GRIK5: variants seen among roughly 807,000 people sequenced by gnomAD.
The protein encoded by GRIK5 is glutamate ionotropic receptor kainate type subunit 5.
A neutral mutation model predicts 97.4 loss-of-function variants in GRIK5; 43 were observed. The ratio of observed to expected loss-of-function variants is 0.44; its 90% CI spans 0.35 to 0.57. The LOEUF is 0.57. Ranked by LOEUF, GRIK5 falls within the 20% of genes least tolerant of loss-of-function variation. The pLI, the probability that GRIK5 is intolerant of heterozygous loss-of-function variation, is 0.01. For missense variants in GRIK5, 1,015 were observed against 1,382.0 expected (o/e 0.73, Z 4.21); for synonymous variants, 580 against 583.5 (o/e 0.99, Z 0.09).
At position 41,999,065 on chromosome 19, in the gene GRIK5, TG is replaced by T. The variant is rs1555870200; in HGVS notation, c.2748del (p.Ser917AlafsTer?). The part of the protein sequence containing the change: ...PQRLLDDPGP[P>X]SGARPAAPTP... ...GTGGGGGCGGCGGGTCGGGCTCCGC[TG>T]GGGGGCCCCGGGTCGTCCAGGAGGC... On this transcript the variant is annotated frameshift_variant, in exon 20 of 20. Coordinates refer to ENST00000593562, the MANE Select transcript of GRIK5 (RefSeq NM_002088.5). LOFTEE classifies it low-confidence loss of function (END_TRUNC). The surrounding 1 kb of genome is among the most constrained non-coding windows in gnomAD (Gnocchi z 5.0). 8.7e-6 allele frequency: 11 copies of T among 1,264,282 alleles called. No individual in the cohort carries two copies. The highest frequency in any genetic ancestry group is 2.6e-5 in the South Asian group (1 of 38,760). The allele number at this position is 1,264,282 out of a possible 1,614,324, so 78.3% of individuals were successfully genotyped here. A position where few individuals can be genotyped will look rare whatever the true frequency, so the allele number is the denominator to read the frequency against.
At chr19:42,012,341 C>T (rs2075574242) in intron 15 of GRIK5, among the ~76,000 whole-genome samples, 1 of 152,118 alleles carries the variant, frequency 6.6e-6, no homozygotes, top group Admixed American at 6.6e-5. Context: ...ACCTCTGCCT[C>T]CCAGGTTCAA....
In GRIK5 at chr19:42,056,662, C is replaced by T. The variant is rs762325314; in HGVS notation, c.903G>A (p.Ala301=). The T allele has an allele frequency of 1.2e-6, 2 of 1,613,718 alleles. No homozygotes were observed. Among genetic ancestry groups the T allele is most frequent in the Non-Finnish European group, 1.7e-6 (2 of 1,179,732 alleles). ...TGTGACTGGGTATCTGTGTGCTCAC[C>T]GCAGGGCCCAGGTAGGTGCTGGCTT... ...NCEASTYLGP[A]LSAALMFDAV... is the part of the protein sequence containing the mutation. Residue 301 remains alanine (A), a splice_region_variant and synonymous_variant, in exon 8 of 20, where the codon GCG becomes GCA. Coordinates refer to ENST00000593562, the MANE Select transcript of GRIK5 (RefSeq NM_002088.5).
intron 12 of GRIK5, among the ~76,000 whole-genome samples, chr19:42,027,349 TA>T (rs1228253544): frequency 1.3e-5 from 2 of 152,158 alleles, no homozygotes; most frequent in Admixed American, 6.5e-5. Context: ...GGAGAAGACC[TA>T]GGGGGAAGGT....
At chr19:42,039,620 T>C (rs918171181) in intron 12 of GRIK5, among the ~76,000 whole-genome samples, 1 of 152,192 alleles carries the variant, frequency 6.6e-6, no homozygotes, top group Non-Finnish European at 1.5e-5. Flanking sequence ...TGGTATACAG[T>C]AGGCACTCAA....
chr19:42,008,265 C>A (rs1330611596), intron 15 of GRIK5, among the ~76,000 whole-genome samples: 1 of 152,072 alleles, frequency 6.6e-6, no homozygotes, highest in African/African-American at 2.4e-5. Flanking sequence ...GACCTGCCCA[C>A]CTCGCCCACC....
chr19:42,023,454 C>T (rs1227289738), intron 12 of GRIK5, among the ~76,000 whole-genome samples: 1 of 152,158 alleles, frequency 6.6e-6, no homozygotes, highest in Non-Finnish European at 1.5e-5. Context: ...TAATATAGGA[C>T]TCCAATTATT....
intron 12 of GRIK5, among the ~76,000 whole-genome samples, chr19:42,029,034 T>C (rs1322679059): frequency 2.0e-5 from 3 of 152,088 alleles, no homozygotes; most frequent in African/African-American, 7.2e-5. Context: ...AATTCAAGAC[T>C]AGCCTGGGCA....
intron 12 of GRIK5, among the ~76,000 whole-genome samples, chr19:42,037,967 A>AG (rs1268754526): frequency 3.9e-5 from 6 of 152,280 alleles, no homozygotes; most frequent in Admixed American, 3.9e-4. Flanking sequence ...GCAGGTTTCC[A>AG]GGGGCACGCC....
chr19:42,022,562 C>T lies in GRIK5; in HGVS notation c.1474-208G>A. 1.0e-6 allele frequency: 1 copy of T among 985,228 alleles called. No individual in the cohort carries two copies. The highest frequency in any genetic ancestry group is 1.1e-4 in the East Asian group (1 of 8,802). 61.0% of individuals were successfully genotyped at this position (985,228 alleles called of 1,614,324 possible). A position where few individuals can be genotyped will look rare whatever the true frequency, so the allele number is the denominator to read the frequency against. On this transcript the variant is annotated intron_variant, in intron 12 of 19. Coordinates refer to ENST00000593562, the MANE Select transcript of GRIK5 (RefSeq NM_002088.5). The surrounding 1 kb of genome is among the most constrained non-coding windows in gnomAD (Gnocchi z 4.2). ...CTCATCGCATGTCCATCCTCATCAT[C>T]TCACGTCTCCAGACACACTGACTCC...
At chr19:42,014,427 G>A (rs1225680450) in intron 15 of GRIK5, among the ~76,000 whole-genome samples, 1 of 151,858 alleles carries the variant, frequency 6.6e-6, no homozygotes, top group Non-Finnish European at 1.5e-5. Context: ...TTACTATCTG[G>A]CCCAATGCAG....
intron 15 of GRIK5, among the ~76,000 whole-genome samples, chr19:42,007,073 G>T (rs892403447): frequency 3.0e-4 from 46 of 152,018 alleles, no homozygotes; most frequent in Non-Finnish European, 1.9e-4. Context: ...CTAAAGAGCT[G>T]GATAGAATAC....
Position 41,998,406 on chromosome 19 carries a change from G to A in GRIK5, c.*465C>T, listed in dbSNP as rs1408035057. 4.6e-5 allele frequency: 7 copies of A among 152,646 alleles called. No homozygotes were observed. The highest frequency in any genetic ancestry group is 4.6e-4 in the Admixed American group (7 of 15,284). The allele number at this position is 152,646 out of a possible 1,614,324, so 9.5% of individuals were successfully genotyped here. On this transcript the variant is annotated 3_prime_UTR_variant, in exon 20 of 20. Transcript: ENST00000593562. ...TGGGGGCCCAACTGACCCCCTCCCT[G>A]GGGGAGGTCTCATAGAAATTCCGAG...
intron 11 of GRIK5, among the ~76,000 whole-genome samples, chr19:42,046,097 G>C (rs989947417): frequency 2.9e-4 from 44 of 152,154 alleles, no homozygotes; most frequent in African/African-American, 9.9e-4. Context: ...GAGAGGTAAA[G>C]CATCTAGCCC....
chr19:42,006,870 G>T lies in GRIK5; in HGVS notation c.1872-60C>A. Reference sequence around the variant, plus strand: ...TCACCCCTGCTGACCTGCCCCCGTGGCCATGCCCCCCATTGGTGGTGCCCC... The same window carrying T: ...TCACCCCTGCTGACCTGCCCCCGTGTCCATGCCCCCCATTGGTGGTGCCCC... On this transcript the variant is annotated intron_variant, in intron 15 of 19. Coordinates refer to ENST00000593562, the MANE Select transcript of GRIK5 (RefSeq NM_002088.5). The surrounding 1 kb of genome is among the most constrained non-coding windows in gnomAD (Gnocchi z 5.3). 3 of 1,338,442 alleles carry T rather than the reference G, an allele frequency of 2.2e-6. No individual in the cohort carries two copies. Among genetic ancestry groups the T allele is most frequent in the Non-Finnish European group, 3.0e-6 (3 of 985,012 alleles). 82.9% of individuals were successfully genotyped at this position (1,338,442 alleles called of 1,614,324 possible).
In GRIK5 at chr19:41,999,186, T is replaced by G; in HGVS notation, c.2628A>C (p.Ser876=). Reference sequence around the variant, plus strand: ...GGCGCATCTCGCGGACCGCGCGCAGTGACAGCAGGGCCCGGCTCGGGCCGC... The same window carrying G: ...GGCGCATCTCGCGGACCGCGCGCAGGGACAGCAGGGCCCGGCTCGGGCCGC... ...RPGGPSRALL[S]LRAVREMRLS... Residue 876 remains serine, a synonymous_variant, in exon 20 of 20, where the codon TCA becomes TCC. Transcript: ENST00000593562. The surrounding 1 kb of genome is among the most constrained non-coding windows in gnomAD (Gnocchi z 5.0). The G allele has an allele frequency of 6.6e-7, 1 of 1,512,366 alleles. No individual in the cohort carries two copies. Among genetic ancestry groups the G allele is most frequent in the Non-Finnish European group, 8.8e-7 (1 of 1,138,122 alleles). 93.7% of individuals were successfully genotyped at this position (1,512,366 alleles called of 1,614,324 possible).
At chr19:42,061,335 C>T (rs554850004) in intron 5 of GRIK5, among the ~76,000 whole-genome samples, 73 of 152,310 alleles carry the variant, frequency 4.8e-4, no homozygotes, top group Admixed American at 2.7e-3. Context: ...TGAGCCATCG[C>T]GCCCGGCCAT....
chr19:42,055,593 T>C (rs191290171), intron 8 of GRIK5, among the ~76,000 whole-genome samples: 5 of 152,278 alleles, frequency 3.3e-5, no homozygotes, highest in Admixed American at 2.0e-4. Context: ...AAGTCTAATA[T>C]ACAGTAAGCC....
intron 15 of GRIK5, among the ~76,000 whole-genome samples, chr19:42,012,795 A>T (rs2075579402): frequency 6.6e-6 from 1 of 151,518 alleles, no homozygotes; most frequent in African/African-American, 2.4e-5. Context: ...TAAGCCTGGG[A>T]GGTTGAGGCT....
chr19:42,013,626 G>A (rs963495958), intron 15 of GRIK5, among the ~76,000 whole-genome samples: 14 of 152,010 alleles, frequency 9.2e-5, no homozygotes, highest in South Asian at 4.1e-4. Flanking sequence ...TAGCCAGGAC[G>A]GTCTCGATCC....
Sources: allele counts gnomAD v4.1 joint callset (sites outside exome capture counted in the v4.1 genomes callset), GRCh38; gene constraint gnomAD v4.1.1; non-coding constraint Gnocchi (gnomAD v3.1); transcripts MANE v1.5; gene names NCBI Gene and HGNC (gene_info 2026-07-23, HGNC 2026-07-21).